TFB2M: variants seen among roughly 807,000 people sequenced by gnomAD.
TFB2M encodes transcription factor B2, mitochondrial.
In TFB2M, 44 loss-of-function variants were observed where a neutral mutation model predicts 41.3. The observed-to-expected ratio is 1.07, with a 90% CI of 0.84 to 1.37. The LOEUF is 1.37. Ranked by LOEUF, TFB2M falls within the 40% of genes most tolerant of loss-of-function variation. The pLI, the probability that TFB2M is intolerant of heterozygous loss-of-function variation, is 0.00. For missense variants in TFB2M, 496 were observed against 490.2 expected, an observed-to-expected ratio of 1.01 and a Z score of -0.11; for synonymous variants, 188 against 176.8, an observed-to-expected ratio of 1.06 and a Z score of -0.50.
intron 2 of TFB2M, among the ~76,000 whole-genome samples, chr1:246,559,722 G>A (rs972420030): frequency 1.3e-5 from 2 of 152,212 alleles, no homozygotes; most frequent in Admixed American, 6.5e-5. Context: ...GGAAGTTGCA[G>A]ACCTGAATAA....
intron 3 of TFB2M, among the ~76,000 whole-genome samples, chr1:246,557,036 G>A (rs1659342257): frequency 6.6e-6 from 1 of 152,112 alleles, no homozygotes; most frequent in African/African-American, 2.4e-5. Context: ...CACTTTGGGA[G>A]GTCGAAGCGG....
chr1:246,561,128 T>A (rs1659445598), intron 2 of TFB2M, among the ~76,000 whole-genome samples: 1 of 152,190 alleles, frequency 6.6e-6, no homozygotes, highest in Non-Finnish European at 1.5e-5. Context: ...TATTGTTACT[T>A]CTCTTTTCAC....
At chr1:246,548,857 C>T (rs1236653480) in intron 5 of TFB2M, among the ~76,000 whole-genome samples, 1 of 152,168 alleles carries the variant, frequency 6.6e-6, no homozygotes, top group East Asian at 1.9e-4. Flanking sequence ...GCCTGTTATG[C>T]AATTACGCAA....
chr1:246,544,446 A>G (rs1658943622), intron 7 of TFB2M, 75 bp downstream of exon 7: 1 of 1,348,512 alleles, frequency 7.4e-7, no homozygotes, highest in Non-Finnish European at 1.0e-6. Flanking sequence ...CAAGATATAA[A>G]AATAGATCTC....
chr1:246,549,469 C>A (rs186125608), intron 5 of TFB2M, among the ~76,000 whole-genome samples: 130 of 152,200 alleles, frequency 8.5e-4, no homozygotes, highest in African/African-American at 2.9e-3. Flanking sequence ...GCAGTCCCAG[C>A]TCTTTGGGAG....
chr1:246,552,287 T>A (rs563781903), intron 4 of TFB2M, among the ~76,000 whole-genome samples: 1 of 152,140 alleles, frequency 6.6e-6, no homozygotes, highest in East Asian at 1.9e-4. Flanking sequence ...CAAACAAGCA[T>A]TTCCCGTCAA....
At chr1:246,557,311 C>T in intron 3 of TFB2M, 70 bp downstream of exon 3, 3 of 1,482,588 alleles carry the variant, frequency 2.0e-6, no homozygotes, top group Non-Finnish European at 2.7e-6. Flanking sequence ...ATTTCATCAA[C>T]AAATCAGTTA....
chr1:246,554,201 GA>G (rs1659259296), intron 4 of TFB2M, among the ~76,000 whole-genome samples: 1 of 152,034 alleles, frequency 6.6e-6, no homozygotes, highest in African/African-American at 2.4e-5. Flanking sequence ...ACCTAAACAA[GA>G]GCCAAAACTA....
intron 4 of TFB2M, among the ~76,000 whole-genome samples, chr1:246,554,979 T>C (rs1237710264): frequency 6.6e-6 from 1 of 152,128 alleles, no homozygotes; most frequent in Non-Finnish European, 1.5e-5. Flanking sequence ...ATCCAGAATA[T>C]ATAAAGAACT....
Position 246,559,755 on chromosome 1 carries a change from T to G in TFB2M, c.403-2221A>C, listed in dbSNP as rs139878526. 1.3e-3 allele frequency among the ~76,000 whole-genome samples: 200 copies of G among 152,268 alleles called. 1 individual carries two copies. The highest frequency in any genetic ancestry group is 4.6e-3 in the African/African-American group (191 of 41,546). ...TAAGGTGCTCAGTGGAGTGGTCCAGTCTGACGATATAAATGTGTGGGAATT... is the reference window on the plus strand; with the variant it reads ...TAAGGTGCTCAGTGGAGTGGTCCAGGCTGACGATATAAATGTGTGGGAATT... On this transcript the variant is annotated intron_variant, in intron 2 of 7. Coordinates refer to ENST00000366514, the MANE Select transcript of TFB2M (RefSeq NM_022366.3).
intron 2 of TFB2M, among the ~76,000 whole-genome samples, chr1:246,561,033 A>T (rs1359674047): frequency 2.0e-5 from 3 of 152,218 alleles, no homozygotes; most frequent in Admixed American, 2.0e-4. Context: ...AGTTTTCAGG[A>T]ACAAACTTTA....
Position 246,544,599 on chromosome 1 carries a change from G to A in TFB2M, c.941C>T (p.Pro314Leu). Residue 314 changes from proline to leucine, a missense_variant, in exon 7 of 8, where the codon CCT becomes CTT. Transcript: ENST00000366514. ...RQNLFTKNLT[P>L]MNYNIFFHLL... ...GTGAAAAAATATATTATAGTTCATA[G>A]GTGTTAAGTTCTTGGTAAATAAATT... 6.2e-7 allele frequency: 1 copy of A among 1,611,084 alleles called. No individual in the cohort carries two copies. Among genetic ancestry groups the A allele is most frequent in the Non-Finnish European group, 8.5e-7 (1 of 1,179,158 alleles).
At chr1:246,559,589 C>G (rs1201948729) in intron 2 of TFB2M, among the ~76,000 whole-genome samples, 2 of 152,104 alleles carry the variant, frequency 1.3e-5, no homozygotes, top group African/African-American at 4.8e-5. Flanking sequence ...TTTTAACAAT[C>G]ACTTTCAAGG....
chr1:246,549,849 G>A (rs1659123963), intron 5 of TFB2M, among the ~76,000 whole-genome samples: 1 of 152,158 alleles, frequency 6.6e-6, no homozygotes, highest in African/African-American at 2.4e-5. Flanking sequence ...ACTTTAAGTG[G>A]GGGAAGAAAA....
At chr1:246,559,394 C>T (rs1336917600) in intron 2 of TFB2M, among the ~76,000 whole-genome samples, 1 of 152,080 alleles carries the variant, frequency 6.6e-6, no homozygotes, top group Non-Finnish European at 1.5e-5. Flanking sequence ...ACTAAAAATA[C>T]AAAAGTAAGC....
At chr1:246,552,103 G>A (rs778771609) in intron 4 of TFB2M, among the ~76,000 whole-genome samples, 7 of 151,982 alleles carry the variant, frequency 4.6e-5, no homozygotes, top group Non-Finnish European at 8.8e-5. Flanking sequence ...AATTTAAGCA[G>A]AGAAAACTAG....
At chr1:246,548,485 AAT>A (rs1659083831) in intron 6 of TFB2M, 58 bp downstream of exon 6, 113 of 1,431,914 alleles carry the variant, frequency 7.9e-5, no homozygotes, top group Middle Eastern at 3.8e-4. Flanking sequence ...GTCCTAAAAA[AAT>A]AAAATAAAAA....
chr1:246,548,737 C>T (rs1294801469), intron 5 of TFB2M, 130 bp from the exon 6 acceptor site: 56 of 686,058 alleles, frequency 8.2e-5, no homozygotes, highest in Non-Finnish European at 1.2e-4. Flanking sequence ...TTAAAAGAAA[C>T]ATGTTATAGC....
chr1:246,550,758 C>T (rs1659153038), intron 5 of TFB2M, among the ~76,000 whole-genome samples: 1 of 152,236 alleles, frequency 6.6e-6, no homozygotes, highest in Non-Finnish European at 1.5e-5. Context: ...CGGTGCACGC[C>T]TGTAGTCCCA....
Sources: gnomAD v4.1 joint callset for allele counts (sites outside exome capture counted in the v4.1 genomes callset) on GRCh38, gnomAD v4.1.1 for gene constraint, MANE v1.5 for transcripts, NCBI Gene and HGNC (gene_info 2026-07-23, HGNC 2026-07-21) for gene names.